Variants in PKNOX2 observed in about 807,000 individuals in gnomAD.
PKNOX2 encodes PBX/knotted 1 homeobox 2.
In PKNOX2, 14 loss-of-function variants were observed where a neutral mutation model predicts 53.1. The observed-to-expected ratio is 0.26, with a 90% CI of 0.17 to 0.41. The LOEUF is 0.41. PKNOX2 is among the 10% of genes least tolerant of loss of function. PKNOX2 has a pLI of 1.00. For missense variants in PKNOX2, 496 were observed against 602.8 expected (o/e 0.82, Z 1.85); for synonymous variants, 257 against 242.8 (o/e 1.06, Z -0.54).
chr11:125,390,673 G>C (rs1299944378), intron 6 of PKNOX2, among the ~76,000 whole-genome samples: 1 of 152,148 alleles, frequency 6.6e-6, no homozygotes, highest in Non-Finnish European at 1.5e-5. Flanking sequence ...AGAAATCAAG[G>C]ACTAAGAACC....
At chr11:125,426,189 T>C (rs1338950311) in intron 10 of PKNOX2, among the ~76,000 whole-genome samples, 1 of 152,230 alleles carries the variant, frequency 6.6e-6, no homozygotes, top group Non-Finnish European at 1.5e-5. Context: ...GGAAGAACTT[T>C]TCATCCTACT....
chr11:125,432,918 G>T lies in PKNOX2; in HGVS notation c.*1526G>T, dbSNP rs1036735844. The T allele has an allele frequency of 9.2e-5, 14 of 152,764 alleles. No individual in the cohort carries two copies. The highest frequency in any genetic ancestry group is 3.1e-4 in the African/African-American group (13 of 41,566). The allele number at this position is 152,764 out of a possible 1,614,324, so 9.5% of individuals were successfully genotyped here. On this transcript the variant is annotated 3_prime_UTR_variant, in exon 13 of 13. Coordinates refer to ENST00000298282, the MANE Select transcript of PKNOX2 (RefSeq NM_001382323.2). ...TCTGGGGCTTCCCCTCCCCCACCTG[G>T]TTGGGGTAGAGCAAAAGGATGGTCA... is the stretch of plus-strand genomic sequence containing the variant.
In PKNOX2 at chr11:125,237,378, C is replaced by A. The variant is rs150877570; in HGVS notation, c.-130+2263C>A. 4.3e-3 allele frequency among the ~76,000 whole-genome samples: 662 copies of A among 152,260 alleles called. 7 individuals are homozygous for A. Among genetic ancestry groups the A allele is most frequent in the African/African-American group, 0.016 (647 of 41,550 alleles). Reference sequence around the variant, plus strand: ...GGTTTAAGAGAAGGGAACATAAATACCCCCCTTCTCCATCTCTCCAAGGAG... The same window carrying A: ...GGTTTAAGAGAAGGGAACATAAATAACCCCCTTCTCCATCTCTCCAAGGAG... On this transcript the variant is annotated intron_variant, in intron 2 of 12. Transcript: ENST00000298282.
At chr11:125,244,184 C>T (rs1480011950) in intron 2 of PKNOX2, among the ~76,000 whole-genome samples, 1 of 152,246 alleles carries the variant, frequency 6.6e-6, no homozygotes, top group Admixed American at 6.5e-5. Flanking sequence ...TGAGATATTT[C>T]CCAGCCAACC....
chr11:125,379,055 CTT>C (rs35310311), intron 5 of PKNOX2, among the ~76,000 whole-genome samples: 2,441 of 124,496 alleles, frequency 0.02, 48 homozygotes, highest in African/African-American at 0.067. Flanking sequence ...TTTTCTTTCT[CTT>C]TTTTTTTTTT....
At chr11:125,390,409 G>A (rs1953973841) in intron 6 of PKNOX2, among the ~76,000 whole-genome samples, 1 of 152,054 alleles carries the variant, frequency 6.6e-6, no homozygotes, top group African/African-American at 2.4e-5. Flanking sequence ...TCTTTCTCTG[G>A]GCCAGGTCTT....
intron 4 of PKNOX2, among the ~76,000 whole-genome samples, chr11:125,360,235 T>C (rs1951852521): frequency 6.6e-6 from 1 of 151,424 alleles, no homozygotes; most frequent in South Asian, 2.1e-4. Context: ...AAAGAGGCCC[T>C]GTGGGAGGTG....
At chr11:125,420,053 G>A (rs1181681997) in intron 10 of PKNOX2, among the ~76,000 whole-genome samples, 2 of 151,294 alleles carry the variant, frequency 1.3e-5, no homozygotes, top group Non-Finnish European at 2.9e-5. Flanking sequence ...CAGGCATGGT[G>A]GTGGGCACCT....
chr11:125,320,848 A>G (rs1949478021), intron 2 of PKNOX2, among the ~76,000 whole-genome samples: 1 of 152,194 alleles, frequency 6.6e-6, no homozygotes, highest in Admixed American at 6.5e-5. Context: ...GGATGACAGA[A>G]GCACTCCATG....
At chr11:125,392,269 G>T (rs532407655) in intron 6 of PKNOX2, among the ~76,000 whole-genome samples, 1 of 152,186 alleles carries the variant, frequency 6.6e-6, no homozygotes, top group Non-Finnish European at 1.5e-5. Flanking sequence ...AGAGACTGAG[G>T]CTCAGAGAAA....
chr11:125,424,308 G>A (rs1179477754), intron 10 of PKNOX2, among the ~76,000 whole-genome samples: 1 of 152,120 alleles, frequency 6.6e-6, no homozygotes, highest in African/African-American at 2.4e-5. Context: ...AGAAAGAGAA[G>A]TTTCTCGGGT....
At chr11:125,430,576 C>T (rs573054086) in intron 12 of PKNOX2, among the ~76,000 whole-genome samples, 136 of 152,278 alleles carry the variant, frequency 8.9e-4, no homozygotes, top group African/African-American at 2.6e-3. Flanking sequence ...AATTGCCAGT[C>T]GCCTAGTGCA....
chr11:125,376,075 G>A (rs895194337), intron 5 of PKNOX2, among the ~76,000 whole-genome samples: 13 of 152,170 alleles, frequency 8.5e-5, no homozygotes, highest in African/African-American at 2.9e-4. Context: ...ACATAGATGC[G>A]TTTAATGTGC....
At chr11:125,258,848 G>C (rs962071007) in intron 2 of PKNOX2, 2 of 364,868 alleles carry the variant, frequency 5.5e-6, no homozygotes, top group African/African-American at 4.3e-5. Context: ...GGGTCCCCTG[G>C]GGATGCAGAG....
At chr11:125,304,953 G>A (rs1256077235) in intron 2 of PKNOX2, among the ~76,000 whole-genome samples, 3 of 152,220 alleles carry the variant, frequency 2.0e-5, no homozygotes, top group Non-Finnish European at 4.4e-5. Context: ...GTCAGCCTAT[G>A]AGGTAGTATT....
intron 3 of PKNOX2, among the ~76,000 whole-genome samples, chr11:125,345,371 GTCC>G (rs1483325160): frequency 1.3e-5 from 2 of 151,842 alleles, no homozygotes; most frequent in Non-Finnish European, 2.9e-5. Context: ...TCTCCATTCT[GTCC>G]TCCTCTGCCA....
chr11:125,276,573 T>C (rs1343387441), intron 2 of PKNOX2, among the ~76,000 whole-genome samples: 2 of 152,114 alleles, frequency 1.3e-5, no homozygotes, highest in Non-Finnish European at 2.9e-5. Flanking sequence ...ACAGACACAA[T>C]AAAGGGCTTG....
intron 5 of PKNOX2, among the ~76,000 whole-genome samples, chr11:125,369,985 C>T (rs1222640740): frequency 1.3e-5 from 2 of 152,182 alleles, no homozygotes; most frequent in East Asian, 3.8e-4. Flanking sequence ...ACTCAATCTG[C>T]ATTTTCACAA....
chr11:125,295,617 G>A (rs1947606676), intron 2 of PKNOX2, among the ~76,000 whole-genome samples: 1 of 152,198 alleles, frequency 6.6e-6, no homozygotes, highest in Non-Finnish European at 1.5e-5. Context: ...AAGCTTGGGG[G>A]TGTCACCAGA....
Sources: gnomAD v4.1 joint callset for allele counts (sites outside exome capture counted in the v4.1 genomes callset) on GRCh38, gnomAD v4.1.1 for gene constraint, MANE v1.5 for transcripts, NCBI Gene and HGNC (gene_info 2026-07-23, HGNC 2026-07-21) for gene names.